Variants in HECW2 observed in about 807,000 individuals in gnomAD.
HECW2 encodes E3 ubiquitin-protein ligase HECW2.
A neutral mutation model predicts 175.2 loss-of-function variants in HECW2; 61 were observed. That is an observed-to-expected ratio of 0.35 (90% CI 0.28 to 0.43). HECW2 has a LOEUF of 0.43. HECW2 is among the 20% of genes least tolerant of loss of function. The pLI, the probability that HECW2 is intolerant of heterozygous loss-of-function variation, is 1.00. For synonymous variants in HECW2, 671 were observed against 731.0 expected (o/e 0.92, Z 1.32); for missense variants, 1,524 against 2,000.5 (o/e 0.76, Z 4.54).
At chr2:196,253,057 C>T (rs984085716) in intron 19 of HECW2, among the ~76,000 whole-genome samples, 2 of 152,168 alleles carry the variant, frequency 1.3e-5, no homozygotes, top group African/African-American at 4.8e-5. Flanking sequence ...GTTGGATGCT[C>T]CATAAATCTG....
chr2:196,343,147 C>T (rs914942578), intron 3 of HECW2, among the ~76,000 whole-genome samples: 3 of 151,920 alleles, frequency 2.0e-5, no homozygotes, highest in Non-Finnish European at 4.4e-5. Flanking sequence ...ACGGGGGATT[C>T]GTTCCAAGAC....
intron 2 of HECW2, among the ~76,000 whole-genome samples, chr2:196,351,836 T>C (rs936730703): frequency 2.6e-5 from 4 of 152,204 alleles, no homozygotes; most frequent in Admixed American, 6.5e-5. Context: ...AGAGCAATAC[T>C]AAGCTAGGAG....
intron 17 of HECW2, among the ~76,000 whole-genome samples, chr2:196,264,468 A>G (rs908108576): frequency 1.1e-4 from 16 of 152,230 alleles, no homozygotes; most frequent in Non-Finnish European, 2.4e-4. Flanking sequence ...TGATTGAACC[A>G]CTTATTAGCA....
At chr2:196,503,183 G>A (rs1687633994) in intron 1 of HECW2, among the ~76,000 whole-genome samples, 1 of 152,050 alleles carries the variant, frequency 6.6e-6, no homozygotes. Context: ...GTGTATACTG[G>A]CTTCTCTGTT....
chr2:196,391,704 A>G (rs1471914162), intron 2 of HECW2, among the ~76,000 whole-genome samples: 1 of 152,204 alleles, frequency 6.6e-6, no homozygotes, highest in African/African-American at 2.4e-5. Flanking sequence ...GTGACAAAGT[A>G]CCACAAACTG....
chr2:196,420,442 T>A (rs1275446719), intron 2 of HECW2, among the ~76,000 whole-genome samples: 1 of 152,186 alleles, frequency 6.6e-6, no homozygotes, highest in Non-Finnish European at 1.5e-5. Flanking sequence ...TTACAAATAA[T>A]GATAAAAATA....
intron 2 of HECW2, among the ~76,000 whole-genome samples, chr2:196,357,790 C>T (rs957232499): frequency 6.6e-6 from 1 of 152,126 alleles, no homozygotes; most frequent in African/African-American, 2.4e-5. Flanking sequence ...CCTGCTTTTG[C>T]TCACTTCTCT....
At chr2:196,273,049 ATTTTTTTTTTTTT>A (rs778348590) in intron 16 of HECW2, among the ~76,000 whole-genome samples, 6 of 113,140 alleles carry the variant, frequency 5.3e-5, no homozygotes, top group African/African-American at 2.3e-4. Context: ...AGCTGGTCTA[ATTTTTTTTTTTTT>A]TTTTTTTTTT....
chr2:196,359,920 C>T (rs758669499), intron 2 of HECW2, among the ~76,000 whole-genome samples: 5 of 152,242 alleles, frequency 3.3e-5, no homozygotes, highest in Admixed American at 1.3e-4. Context: ...CTGGGCAACA[C>T]AGCAAACCCT....
chr2:196,301,542 G>C (rs1345532086), intron 13 of HECW2, among the ~76,000 whole-genome samples: 1 of 151,920 alleles, frequency 6.6e-6, no homozygotes, highest in Non-Finnish European at 1.5e-5. Flanking sequence ...AGCATCTGTT[G>C]TGTTCTTACT....
intron 1 of HECW2, among the ~76,000 whole-genome samples, chr2:196,506,257 G>A (rs1687758955): frequency 6.6e-6 from 1 of 152,170 alleles, no homozygotes; most frequent in South Asian, 2.1e-4. Flanking sequence ...CTTTGAAGAA[G>A]TGATAAGCCC....
intron 14 of HECW2, chr2:196,288,671 A>T (rs906765928): frequency 2.9e-4 from 44 of 152,210 alleles, no homozygotes; most frequent in African/African-American, 1.0e-3. Flanking sequence ...CAAACTGATG[A>T]GATTTTTTGG....
chr2:196,593,064 C>G lies in HECW2; in HGVS notation c.-36+444G>C, dbSNP rs1488240374. ...AGAGCGCGCTCGGCGCGCCCCTCAG[C>G]GGCTCTTCCCGCCGCCCTCCGCAGC... On this transcript the variant is annotated intron_variant, in intron 1 of 28. Transcript: ENST00000644978. 2.6e-5 allele frequency among the ~76,000 whole-genome samples: 4 copies of G among 151,340 alleles called. No individual in the cohort carries two copies. In the East Asian group the frequency reaches 7.8e-4, roughly 29 times the overall value.
chr2:196,311,911 G>T (rs78610380), intron 10 of HECW2, among the ~76,000 whole-genome samples: 1 of 152,170 alleles, frequency 6.6e-6, no homozygotes, highest in Admixed American at 6.5e-5. Flanking sequence ...TCAGTGGCTG[G>T]ACATGAAGGG....
At chr2:196,226,418 A>C (rs376651958) in intron 22 of HECW2, among the ~76,000 whole-genome samples, 5 of 152,274 alleles carry the variant, frequency 3.3e-5, no homozygotes, top group African/African-American at 1.2e-4. Flanking sequence ...ATAAATTACC[A>C]GTCTCAGGTA....
intron 1 of HECW2, among the ~76,000 whole-genome samples, chr2:196,506,586 C>T (rs1687768294): frequency 6.6e-6 from 1 of 151,996 alleles, no homozygotes; most frequent in African/African-American, 2.4e-5. Context: ...GGTCCCCAAA[C>T]CTCAGTCATT....
rs893481476 is a variant in HECW2 at position 196,523,888 on chromosome 2, T to C, written c.-36+69620A>G. 1.5e-3 allele frequency among the ~76,000 whole-genome samples: 233 copies of C among 152,290 alleles called. 1 individual carries two copies. Among genetic ancestry groups the C allele is most frequent in the Non-Finnish European group, 2.7e-3 (184 of 68,026 alleles). Reference sequence around the variant, plus strand: ...CTGGATTCGTTTTGCCAGTATTTTATTGAGGATTTCTGCATGAATGTTCAT... The same window carrying C: ...CTGGATTCGTTTTGCCAGTATTTTACTGAGGATTTCTGCATGAATGTTCAT... On this transcript the variant is annotated intron_variant, in intron 1 of 28. Transcript: ENST00000644978.
At chr2:196,225,637 A>G in intron 23 of HECW2, 135 bp downstream of exon 23, 3 of 572,630 alleles carry the variant, frequency 5.2e-6, no homozygotes, top group South Asian at 4.4e-5. Context: ...CAGAAATCTA[A>G]ACCACTATTA....
chr2:196,263,945 T>C (rs1011608573), intron 17 of HECW2: 3 of 152,214 alleles, frequency 2.0e-5, no homozygotes, highest in Non-Finnish European at 4.4e-5. Flanking sequence ...AATTATTTAT[T>C]CCTTTTTCAA....
Sources: allele counts gnomAD v4.1 joint callset (sites outside exome capture counted in the v4.1 genomes callset), GRCh38; gene constraint gnomAD v4.1.1; transcripts MANE v1.5; gene names NCBI Gene and HGNC (gene_info 2026-07-23, HGNC 2026-07-21).